Variants in KLHDC2 observed in about 807,000 individuals in gnomAD.
KLHDC2 encodes kelch domain-containing protein 2.
A neutral mutation model predicts 62.3 loss-of-function variants in KLHDC2; 38 were observed. The ratio of observed to expected loss-of-function variants is 0.61; its 90% CI spans 0.47 to 0.80. The LOEUF is 0.80. KLHDC2 is among the 30% of genes least tolerant of loss of function. The probability of loss-of-function intolerance (pLI) is 0.00; values close to 1 mark genes in which losing one functional copy is unlikely to be tolerated. For missense variants in KLHDC2, 430 were observed against 495.3 expected (o/e 0.87, Z 1.25); for synonymous variants, 159 against 161.0 (o/e 0.99, Z 0.09).
chr14:49,778,078 T>A (rs1872513680), intron 4 of KLHDC2, 100 bp from the exon 5 acceptor site: 1 of 925,402 alleles, frequency 1.1e-6, no homozygotes, highest in African/African-American at 1.7e-5. Flanking sequence ...ATTAACTGAA[T>A]TAATACATGA....
chr14:49,780,441 T>C (rs1276176047), intron 9 of KLHDC2, 119 bp downstream of exon 9: 1 of 728,640 alleles, frequency 1.4e-6, no homozygotes, highest in Non-Finnish European at 2.4e-6. Flanking sequence ...AGGTTTGAAA[T>C]TAATTTTGAT....
At position 49,768,393 on chromosome 14, in the gene KLHDC2, T is replaced by A. The variant is rs569292586; in HGVS notation, c.-76T>A. 510 of 1,473,044 alleles carry A rather than the reference T, an allele frequency of 3.5e-4. 1 individual carries two copies. The highest frequency in any genetic ancestry group is 4.4e-4 in the Non-Finnish European group (474 of 1,083,462). The allele number at this position is 1,473,044 out of a possible 1,614,324, so 91.2% of individuals were successfully genotyped here. ...TTTCCTTGCCTCGCGCCGCTGTGCA[T>A]TTCTCTCCTTTTCCTTTGTTTTTTT... On this transcript the variant is annotated 5_prime_UTR_variant, in exon 1 of 13. Coordinates refer to ENST00000298307, the MANE Select transcript of KLHDC2 (RefSeq NM_014315.3).
At chr14:49,778,899 T>G (rs1889828526) in intron 6 of KLHDC2, among the ~76,000 whole-genome samples, 1 of 152,048 alleles carries the variant, frequency 6.6e-6, no homozygotes, top group African/African-American at 2.4e-5. Context: ...AATTTTTTTG[T>G]ATTTTTAGTA....
chr14:49,782,618 TTAGA>T (rs1889958637), intron 12 of KLHDC2, 24 bp downstream of exon 12: 1 of 1,560,808 alleles, frequency 6.4e-7, no homozygotes, highest in Non-Finnish European at 8.7e-7. Flanking sequence ...TACTTGGCAC[TTAGA>T]TTATTTAAAA....
chr14:49,783,234 T>C lies in KLHDC2; in HGVS notation c.*281T>C, dbSNP rs1889996428. The C allele has an allele frequency of 8.0e-6, 2 of 249,728 alleles. No individual in the cohort carries two copies. Among genetic ancestry groups the C allele is most frequent in the Non-Finnish European group, 1.5e-5 (2 of 132,532 alleles). 15.5% of individuals were successfully genotyped at this position (249,728 alleles called of 1,614,324 possible). A position where few individuals can be genotyped will look rare whatever the true frequency, so the allele number is the denominator to read the frequency against. On this transcript the variant is annotated 3_prime_UTR_variant, in exon 13 of 13. Transcript: ENST00000298307. ...TTTCAGTAACTTCAGGATATGTATC[T>C]GTAGAAACATTATAGTCTTACCATC...
chr14:49,768,766 GT>G (rs60013308), intron 1 of KLHDC2, 145 bp downstream of exon 1: 2,279 of 599,088 alleles, frequency 3.8e-3, no homozygotes, highest in South Asian at 5.9e-3. Flanking sequence ...CCCGTTGGTT[GT>G]TTTTTTTTTG....
intron 2 of KLHDC2, among the ~76,000 whole-genome samples, chr14:49,773,983 A>T (rs1230522653): frequency 6.6e-6 from 1 of 152,212 alleles, no homozygotes; most frequent in African/African-American, 2.4e-5. Flanking sequence ...GTATACTATT[A>T]GAATTTTAAA....
chr14:49,780,169 G>C, intron 8 of KLHDC2, 44 bp from the exon 9 acceptor site: 1 of 1,196,830 alleles, frequency 8.4e-7, no homozygotes, highest in Non-Finnish European at 1.2e-6. Flanking sequence ...AAATACAGTA[G>C]CTGCTTCTAA....
At position 49,768,505 on chromosome 14, in the gene KLHDC2, T is replaced by G. The variant is rs1296931570; in HGVS notation, c.37T>G (p.Leu13Val). The part of the protein sequence containing the change: ...DGNEDLRADD[L>V]PGPAFESYES... ...CAACGAGGATCTGCGGGCTGACGAC[T>G]TGCCTGGGCCAGCCTTCGAGAGCTA... is the stretch of plus-strand genomic sequence containing the variant. Residue 13 changes from leucine (L) to valine (V), a missense_variant, in exon 1 of 13, where the codon TTG becomes GTG. Leu to Val is a conservative substitution (Grantham distance 32). Coordinates refer to ENST00000298307, the MANE Select transcript of KLHDC2 (RefSeq NM_014315.3). 6.2e-7 allele frequency: 1 copy of G among 1,610,152 alleles called. No homozygotes were observed. Among genetic ancestry groups the G allele is most frequent in the African/African-American group, 1.3e-5 (1 of 74,384 alleles).
Position 49,782,733 on chromosome 14 carries a change from G to GAAGA in KLHDC2, c.1098-88_1098-85dup. On this transcript the variant is annotated intron_variant, in intron 12 of 12. Coordinates refer to ENST00000298307, the MANE Select transcript of KLHDC2 (RefSeq NM_014315.3). ...ATAACCAGTTCCTATGAAAATCTTT[G>GAAGA]AAGAAAGAAAGAGGGATGTTTTATG... is the stretch of plus-strand genomic sequence containing the variant. The GAAGA allele has an allele frequency of 9.6e-6, 14 of 1,456,590 alleles. No homozygotes were observed. In the South Asian group the frequency reaches 1.6e-4, roughly 16 times the overall value. 90.2% of individuals were successfully genotyped at this position (1,456,590 alleles called of 1,614,324 possible).
intron 8 of KLHDC2, 113 bp from the exon 9 acceptor site, chr14:49,780,100 T>C (rs1889857145): frequency 1.4e-6 from 1 of 718,956 alleles, no homozygotes; most frequent in East Asian, 2.6e-5. Context: ...AGAAGCCTTT[T>C]TAAACTTAAG....
intron 3 of KLHDC2, among the ~76,000 whole-genome samples, chr14:49,777,008 A>G (rs944912631): frequency 1.2e-4 from 18 of 152,164 alleles, no homozygotes; most frequent in Admixed American, 6.6e-4. Context: ...ATGCCCACCA[A>G]TCAACAAGTG....
chr14:49,772,774 T>C (rs965810834), intron 2 of KLHDC2, among the ~76,000 whole-genome samples: 1 of 151,934 alleles, frequency 6.6e-6, no homozygotes, highest in African/African-American at 2.4e-5. Context: ...CTGGCCAACA[T>C]GGTGAAACCC....
chr14:49,768,291 G>A lies in KLHDC2; in HGVS notation c.-178G>A. 1.6e-6 allele frequency: 1 copy of A among 642,456 alleles called. No individual in the cohort carries two copies. Among genetic ancestry groups the A allele is most frequent in the Non-Finnish European group, 2.5e-6 (1 of 403,164 alleles). The allele number at this position is 642,456 out of a possible 1,614,324, so 39.8% of individuals were successfully genotyped here. A position where few individuals can be genotyped will look rare whatever the true frequency, so the allele number is the denominator to read the frequency against. ...CGTGCCCCGGCGGCGGCGGAGAGCC[G>A]TCCTCGGCCGAGGAGGCTGGGAAAC... On this transcript the variant is annotated 5_prime_UTR_variant, in exon 1 of 13. Coordinates refer to ENST00000298307, the MANE Select transcript of KLHDC2 (RefSeq NM_014315.3).
Position 49,774,555 on chromosome 14 carries a change from C to T in KLHDC2, c.234-6C>T, listed in dbSNP as rs1566634208. The T allele has an allele frequency of 1.9e-6, 3 of 1,573,944 alleles. No individual in the cohort carries two copies. The South Asian group carries it at 3.3e-5, about 17-fold the overall frequency. ...ACTTACATACATTTAATTTATTCCCCCTCAGGAAAAAAATCAACACTGAAG... is the reference window on the plus strand; with the variant it reads ...ACTTACATACATTTAATTTATTCCCTCTCAGGAAAAAAATCAACACTGAAG... On this transcript the variant is annotated splice_polypyrimidine_tract_variant and splice_region_variant and intron_variant, in intron 2 of 12. Coordinates refer to ENST00000298307, the MANE Select transcript of KLHDC2 (RefSeq NM_014315.3).
chr14:49,778,492 A>C lies in KLHDC2; in HGVS notation c.631A>C (p.Thr211Pro). The C allele has an allele frequency of 7.2e-7, 1 of 1,381,004 alleles. No individual in the cohort carries two copies. The highest frequency in any genetic ancestry group is 1.0e-6 in the Non-Finnish European group (1 of 1,003,864). 85.5% of individuals were successfully genotyped at this position (1,381,004 alleles called of 1,614,324 possible). A position where few individuals can be genotyped will look rare whatever the true frequency, so the allele number is the denominator to read the frequency against. ...ATTTACCTGGAGCCAGCCTATAACT[A>C]CTGTGAGTTACTAAAGAATAATGAA... ...ETFTWSQPIT[T>P]GKAPSPRAAH... The change falls in exon 6 of 13, where the codon ACT becomes CCT. Residue 211 changes from threonine (T) to proline (P), a missense_variant and splice_region_variant. Transcript: ENST00000298307.
Position 49,771,580 on chromosome 14 carries a change from T to G in KLHDC2, c.154-14T>G. On this transcript the variant is annotated splice_polypyrimidine_tract_variant and intron_variant, in intron 1 of 12. Transcript: ENST00000298307. Reference sequence around the variant, plus strand: ...AATACCAGTTTTTATATTTACAATTTTTTTTATTCTTAGAGTAATCAAGTC... The same window carrying G: ...AATACCAGTTTTTATATTTACAATTGTTTTTATTCTTAGAGTAATCAAGTC... 8.5e-7 allele frequency: 1 copy of G among 1,176,488 alleles called. No homozygotes were observed. Among genetic ancestry groups the G allele is most frequent in the East Asian group, 2.3e-5 (1 of 42,910 alleles). The allele number at this position is 1,176,488 out of a possible 1,614,324, so 72.9% of individuals were successfully genotyped here.
At chr14:49,779,888 T>G in intron 8 of KLHDC2, 82 bp downstream of exon 8, 1 of 950,530 alleles carries the variant, frequency 1.1e-6, no homozygotes. Context: ...ATAATGTCCT[T>G]GCTTAACTTT....
At chr14:49,773,545 C>A (rs890983243) in intron 2 of KLHDC2, among the ~76,000 whole-genome samples, 1 of 149,294 alleles carries the variant, frequency 6.7e-6, no homozygotes, top group Non-Finnish European at 1.5e-5. Context: ...TACAGTGAGA[C>A]CCTGTTTCTA....
Sources: allele counts gnomAD v4.1 joint callset (sites outside exome capture counted in the v4.1 genomes callset), GRCh38; gene constraint gnomAD v4.1.1; transcripts MANE v1.5; gene names NCBI Gene and HGNC (gene_info 2026-07-23, HGNC 2026-07-21).